RPS6KC1: variants seen among roughly 807,000 people sequenced by gnomAD.
RPS6KC1 encodes the protein ribosomal protein S6 kinase C1, also known as inactive ribosomal protein S6 kinase delta-1.
In RPS6KC1, 54 loss-of-function variants were observed where a neutral mutation model predicts 103.8. That is an observed-to-expected ratio of 0.52 (90% CI 0.42 to 0.65). RPS6KC1 has a LOEUF of 0.65. Ranked by LOEUF, RPS6KC1 falls within the 30% of genes least tolerant of loss-of-function variation. The pLI is 0.00. For missense variants in RPS6KC1, 1,151 were observed against 1,253.8 expected (o/e 0.92, Z 1.24); for synonymous variants, 439 against 438.7 (o/e 1.00, Z -0.01).
the RPS6KC1 span, among the ~76,000 whole-genome samples, chr1:213,716,791 C>A: frequency 1.3e-5 from 2 of 152,076 alleles, no homozygotes; most frequent in Non-Finnish European, 1.5e-5. Context: ...TAAAATTTTA[C>A]ACTGGGTTTT....
At chr1:213,583,175 G>A in the RPS6KC1 span, among the ~76,000 whole-genome samples, 1 of 152,112 alleles carries the variant, frequency 6.6e-6, no homozygotes, top group Non-Finnish European at 1.5e-5. Context: ...ATGGACTTTG[G>A]GTCATTTCCA....
intron 8 of RPS6KC1, among the ~76,000 whole-genome samples, chr1:213,214,963 C>A (rs1221398718): frequency 6.6e-6 from 1 of 152,152 alleles, no homozygotes; most frequent in African/African-American, 2.4e-5. Context: ...TTCTAAAAAT[C>A]AGAGCGCCTG....
the RPS6KC1 span, among the ~76,000 whole-genome samples, chr1:213,616,371 C>G: frequency 2.0e-5 from 3 of 152,140 alleles, no homozygotes; most frequent in South Asian, 6.2e-4. Context: ...ACAGCAGGAG[C>G]CTGGAGCTGG....
the RPS6KC1 span, among the ~76,000 whole-genome samples, chr1:213,661,457 C>A: frequency 6.6e-6 from 1 of 152,184 alleles, no homozygotes; most frequent in Non-Finnish European, 1.5e-5. Flanking sequence ...GAGGCACTGA[C>A]CTCGCCTTTC....
At chr1:213,152,381 A>AC (rs1379121817) in intron 6 of RPS6KC1, among the ~76,000 whole-genome samples, 11 of 117,314 alleles carry the variant, frequency 9.4e-5, no homozygotes, top group African/African-American at 2.8e-4. Flanking sequence ...CGGGGGGCTG[A>AC]CCCCCCCACC....
At chr1:213,832,697 A>G in the RPS6KC1 span, 1 of 152,240 alleles carries the variant, frequency 6.6e-6, no homozygotes, top group Admixed American at 6.5e-5. Flanking sequence ...AACTCATTTC[A>G]TTAGAGTGAT....
At chr1:213,607,550 G>A in the RPS6KC1 span, among the ~76,000 whole-genome samples, 9 of 151,980 alleles carry the variant, frequency 5.9e-5, no homozygotes, top group Non-Finnish European at 1.3e-4. Context: ...ACCAATAAAG[G>A]CCTTCCCTAC....
chr1:213,654,739 G>C, the RPS6KC1 span, among the ~76,000 whole-genome samples: 1 of 152,138 alleles, frequency 6.6e-6, no homozygotes, highest in Admixed American at 6.6e-5. Context: ...TTTGCTGCCT[G>C]TCTGATTTTT....
intron 8 of RPS6KC1, chr1:213,205,335 T>C: frequency 3.0e-6 from 3 of 984,984 alleles, no homozygotes; most frequent in South Asian, 4.7e-5. Context: ...AGATAAGTCA[T>C]GCTTTTAAGA....
the RPS6KC1 span, among the ~76,000 whole-genome samples, chr1:213,793,934 G>A: frequency 2.0e-5 from 3 of 152,008 alleles, no homozygotes; most frequent in Non-Finnish European, 4.4e-5. Context: ...TGATAATAAC[G>A]AAGACAGTGT....
chr1:213,761,511 C>T, the RPS6KC1 span, among the ~76,000 whole-genome samples: 1 of 152,202 alleles, frequency 6.6e-6, no homozygotes, highest in Non-Finnish European at 1.5e-5. Context: ...TTCTATAAGA[C>T]TTCCATCATA....
the RPS6KC1 span, among the ~76,000 whole-genome samples, chr1:213,536,725 A>G: frequency 6.6e-6 from 1 of 152,234 alleles, no homozygotes; most frequent in South Asian, 2.1e-4. Flanking sequence ...CCTTCTTGAC[A>G]TATGCAGCCT....
At chr1:213,613,329 T>G in the RPS6KC1 span, among the ~76,000 whole-genome samples, 1 of 152,192 alleles carries the variant, frequency 6.6e-6, no homozygotes, top group Non-Finnish European at 1.5e-5. Context: ...TTTCTGCTAT[T>G]TACTATGAAA....
the RPS6KC1 span, among the ~76,000 whole-genome samples, chr1:213,384,299 T>A: frequency 4.9e-3 from 746 of 151,492 alleles, 6 homozygotes; most frequent in African/African-American, 0.016. Flanking sequence ...TATATATATA[T>A]AAATCTCAGC....
chr1:213,325,968 C>T, the RPS6KC1 span, among the ~76,000 whole-genome samples: 10 of 152,194 alleles, frequency 6.6e-5, no homozygotes, highest in Non-Finnish European at 1.5e-4. Flanking sequence ...GAGCCATTTC[C>T]CCTCCCTCTT....
the RPS6KC1 span, among the ~76,000 whole-genome samples, chr1:213,714,981 A>G: frequency 3.3e-5 from 5 of 152,154 alleles, no homozygotes; most frequent in East Asian, 3.8e-4. Flanking sequence ...AGAGGGGCCA[A>G]TCAAAGTCAG....
chr1:213,363,815 T>TTC, the RPS6KC1 span, among the ~76,000 whole-genome samples: 6 of 69,558 alleles, frequency 8.6e-5, no homozygotes, highest in Non-Finnish European at 1.7e-4. Flanking sequence ...TCTTTCTTTC[T>TTC]TCTCTCTTTT....
the RPS6KC1 span, among the ~76,000 whole-genome samples, chr1:213,828,011 C>T: frequency 6.6e-6 from 1 of 152,130 alleles, no homozygotes; most frequent in African/African-American, 2.4e-5. Context: ...CTCTCTCTAC[C>T]TGCTGTTTCT....
the RPS6KC1 span, among the ~76,000 whole-genome samples, chr1:213,453,376 G>T: frequency 6.0e-4 from 91 of 152,224 alleles, no homozygotes; most frequent in African/African-American, 2.0e-3. Context: ...TGGGAGAGGA[G>T]CAGGCTGTTC....
Sources: gnomAD v4.1 joint callset for allele counts (sites outside exome capture counted in the v4.1 genomes callset) on GRCh38, gnomAD v4.1.1 for gene constraint, MANE v1.5 for transcripts, NCBI Gene and HGNC (gene_info 2026-07-23, HGNC 2026-07-21) for gene names.